The following SRP54 variants were observed in gnomAD, a reference collection of about 807,000 sequenced individuals.
The protein encoded by SRP54 is signal recognition particle subunit SRP54.
A neutral mutation model predicts 64.8 loss-of-function variants in SRP54; 10 were observed. That is an observed-to-expected ratio of 0.15 (90% CI 0.10 to 0.26). SRP54 has a LOEUF of 0.26. Among genes scored for constraint, SRP54 ranks in the 10% least tolerant of loss-of-function variants. The pLI, the probability that SRP54 is intolerant of heterozygous loss-of-function variation, is 1.00. For missense variants in SRP54, 325 were observed against 613.7 expected (o/e 0.53, Z 4.97); for synonymous variants, 193 against 185.6 (o/e 1.04, Z -0.32).
chr14:35,026,347 GC>G (rs1364671447), intron 14 of SRP54, among the ~76,000 whole-genome samples: 1 of 151,846 alleles, frequency 6.6e-6, no homozygotes, highest in East Asian at 1.9e-4. Flanking sequence ...CCAATCTGAG[GC>G]CCCCAAGTAG....
At chr14:35,015,167 C>A (rs2044418221) in intron 11 of SRP54, among the ~76,000 whole-genome samples, 1 of 152,184 alleles carries the variant, frequency 6.6e-6, no homozygotes, top group African/African-American at 2.4e-5. Flanking sequence ...AACTCCACCT[C>A]CTGGGTTCAA....
intron 7 of SRP54, among the ~76,000 whole-genome samples, chr14:35,009,678 G>A (rs2044324080): frequency 6.6e-6 from 1 of 152,048 alleles, no homozygotes; most frequent in African/African-American, 2.4e-5. Flanking sequence ...ATAACATAGT[G>A]TCAAAGAAGA....
intron 1 of SRP54, among the ~76,000 whole-genome samples, chr14:34,986,061 A>T (rs1001613106): frequency 2.0e-5 from 3 of 152,070 alleles, no homozygotes; most frequent in Non-Finnish European, 4.4e-5. Flanking sequence ...GGTTGACCTC[A>T]TAGCCAGAAA....
chr14:34,995,962 G>A (rs2044065942), intron 1 of SRP54, among the ~76,000 whole-genome samples: 1 of 151,812 alleles, frequency 6.6e-6, no homozygotes, highest in South Asian at 2.1e-4. Flanking sequence ...CTACTTGGGG[G>A]GCTAAGGCAG....
chr14:34,986,189 T>C (rs2043892947), intron 1 of SRP54, among the ~76,000 whole-genome samples: 1 of 152,192 alleles, frequency 6.6e-6, no homozygotes. Flanking sequence ...TGATATTATT[T>C]TACATAAAAT....
intron 7 of SRP54, among the ~76,000 whole-genome samples, chr14:35,010,438 C>G (rs929032155): frequency 6.6e-6 from 1 of 151,904 alleles, no homozygotes; most frequent in African/African-American, 2.4e-5. Context: ...AAGAGCAAAA[C>G]TGTGCCTCAA....
At chr14:35,027,386 A>C (rs2139032604) in intron 14 of SRP54, among the ~76,000 whole-genome samples, 1 of 152,070 alleles carries the variant, frequency 6.6e-6, no homozygotes, top group South Asian at 2.1e-4. Context: ...TTGCTAATTA[A>C]CCCATGTCTA....
At chr14:35,003,403 G>A (rs2044208002) in intron 4 of SRP54, among the ~76,000 whole-genome samples, 1 of 151,896 alleles carries the variant, frequency 6.6e-6, no homozygotes, top group African/African-American at 2.4e-5. Flanking sequence ...TTTGAAGACA[G>A]AGTCCCTGTC....
chr14:35,007,788 T>C (rs1374539165), intron 5 of SRP54, among the ~76,000 whole-genome samples: 3 of 119,456 alleles, frequency 2.5e-5, no homozygotes, highest in East Asian at 2.6e-4. Context: ...CATTAAAATA[T>C]ATTAATAACA....
intron 5 of SRP54, among the ~76,000 whole-genome samples, chr14:35,008,154 C>G (rs1227724371): frequency 6.6e-6 from 1 of 152,080 alleles, no homozygotes; most frequent in Non-Finnish European, 1.5e-5. Flanking sequence ...TTTTATTGCC[C>G]AAGCTTGAGT....
Position 35,022,923 on chromosome 14 carries a change from G to A in SRP54, c.1170G>A (p.Thr390=), listed in dbSNP as rs761282358. ...CCTTGTCTACAGAACTAGACAGTAC[G>A]GATGGTGCCAAAGTTTTTAGTAAAC... ...DSMNDQELDS[T]DGAKVFSKQP... is the part of the protein sequence containing the mutation. The change falls in exon 14 of 16, where the codon ACG becomes ACA. Residue 390 remains threonine (T), a synonymous_variant. Coordinates refer to ENST00000216774, the MANE Select transcript of SRP54 (RefSeq NM_003136.4). 7.4e-6 allele frequency: 12 copies of A among 1,613,474 alleles called. 1 individual carries two copies. Among genetic ancestry groups the A allele is most frequent in the South Asian group, 1.1e-5 (1 of 91,008 alleles).
chr14:35,013,655 A>G (rs2044389789), intron 9 of SRP54, 147 bp from the exon 10 acceptor site: 7 of 1,043,988 alleles, frequency 6.7e-6, no homozygotes, highest in Non-Finnish European at 8.3e-6. Context: ...CCTGTCTGAT[A>G]TAGGTCTATT....
At chr14:34,994,083 T>G (rs1343599510) in intron 1 of SRP54, among the ~76,000 whole-genome samples, 4 of 152,128 alleles carry the variant, frequency 2.6e-5, no homozygotes, top group Non-Finnish European at 1.5e-5. Context: ...AACCTCTGCC[T>G]CCCATCTTCA....
intron 8 of SRP54, among the ~76,000 whole-genome samples, chr14:35,011,869 A>G (rs548956345): frequency 1.8e-4 from 28 of 152,188 alleles, no homozygotes; most frequent in Non-Finnish European, 3.4e-4. Context: ...CATAAGTATG[A>G]AAAAGTAATT....
At chr14:35,000,915 T>C in intron 3 of SRP54, 21 bp from the exon 4 acceptor site, 1 of 1,489,394 alleles carries the variant, frequency 6.7e-7, no homozygotes, top group Non-Finnish European at 9.1e-7. Flanking sequence ...CCCACCCCAA[T>C]CACCAACCAC....
chr14:35,001,571 A>G (rs1489581626), intron 4 of SRP54, among the ~76,000 whole-genome samples: 1 of 152,186 alleles, frequency 6.6e-6, no homozygotes, highest in Admixed American at 6.6e-5. Flanking sequence ...ATTTCACTAC[A>G]GATTTGTTGA....
In SRP54 at chr14:35,029,274, C is replaced by G. The variant is rs1420803574; in HGVS notation, c.*122C>G. ...TTTCTTGCTTATCATGCACTCTTTC[C>G]TTTTCTTCTCGCCCGCTTTTCCCCT... On this transcript the variant is annotated 3_prime_UTR_variant, in exon 16 of 16. Transcript: ENST00000216774. 1.6e-6 allele frequency: 1 copy of G among 611,532 alleles called. No individual in the cohort carries two copies. Among genetic ancestry groups the G allele is most frequent in the Non-Finnish European group, 2.7e-6 (1 of 369,946 alleles). 37.9% of individuals were successfully genotyped at this position (611,532 alleles called of 1,614,324 possible).
chr14:34,994,318 T>G (rs570316277), intron 1 of SRP54, among the ~76,000 whole-genome samples: 6 of 152,190 alleles, frequency 3.9e-5, no homozygotes, highest in Non-Finnish European at 7.3e-5. Context: ...TTATTTTTAA[T>G]CTCCTGTGTA....
Position 34,999,492 on chromosome 14 carries a change from A to G in SRP54, c.79-66A>G, listed in dbSNP as rs546583649. 1.9e-3 allele frequency: 2,344 copies of G among 1,230,768 alleles called. 2 individuals carry two copies. Among genetic ancestry groups the G allele is most frequent in the Non-Finnish European group, 2.5e-3 (2,109 of 846,144 alleles). 76.2% of individuals were successfully genotyped at this position (1,230,768 alleles called of 1,614,324 possible). A position where few individuals can be genotyped will look rare whatever the true frequency, so the allele number is the denominator to read the frequency against. ...GCTGTGGTTATGTAAGTGATCAACAATTGTTTTTATGGAACTGAAATGAAA... is the reference window on the plus strand; with the variant it reads ...GCTGTGGTTATGTAAGTGATCAACAGTTGTTTTTATGGAACTGAAATGAAA... On this transcript the variant is annotated intron_variant, in intron 2 of 15. Coordinates refer to ENST00000216774, the MANE Select transcript of SRP54 (RefSeq NM_003136.4).
Sources: gnomAD v4.1 joint callset for allele counts (sites outside exome capture counted in the v4.1 genomes callset) on GRCh38, gnomAD v4.1.1 for gene constraint, MANE v1.5 for transcripts, NCBI Gene and HGNC (gene_info 2026-07-23, HGNC 2026-07-21) for gene names.